Variants in VPS26A observed in about 807,000 individuals in gnomAD.
VPS26A encodes VPS26 retromer complex component A.
A neutral mutation model predicts 42.4 loss-of-function variants in VPS26A; 22 were observed. That is an observed-to-expected ratio of 0.52 (90% CI 0.37 to 0.74). VPS26A has a LOEUF of 0.74. Among genes scored for constraint, VPS26A ranks in the 30% least tolerant of loss-of-function variants. The pLI is 0.00. For missense variants in VPS26A, 276 were observed against 379.2 expected (o/e 0.73, Z 2.26); for synonymous variants, 110 against 123.5 (o/e 0.89, Z 0.73).
At chr10:69,169,438 CAG>C (rs565463605) in intron 8 of VPS26A, among the ~76,000 whole-genome samples, 122 of 152,006 alleles carry the variant, frequency 8.0e-4, no homozygotes, top group African/African-American at 2.8e-3. Context: ...TTATTTGAGA[CAG>C]AGTCTCGCTA....
intron 2 of VPS26A, among the ~76,000 whole-genome samples, chr10:69,151,282 A>AAAAAAAAAAAAAAAACACAC (rs71035063): frequency 1.0e-4 from 14 of 136,768 alleles, no homozygotes; most frequent in African/African-American, 4.0e-4. Flanking sequence ...AAAAAAAAAA[A>AAAAAAAAAAAAAAAACACAC]ACACACACAC....
intron 2 of VPS26A, among the ~76,000 whole-genome samples, chr10:69,152,961 C>T (rs537999954): frequency 3.0e-5 from 3 of 101,100 alleles, no homozygotes; most frequent in African/African-American, 8.9e-5. Flanking sequence ...CAGAGCGAGG[C>T]TCTGTCTCAA....
chr10:69,141,826 T>C, intron 2 of VPS26A, among the ~76,000 whole-genome samples: 1 of 152,226 alleles, frequency 6.6e-6, no homozygotes, highest in East Asian at 1.9e-4. Flanking sequence ...ATAACAATAT[T>C]TACTGAGTAC....
chr10:69,144,088 C>G (rs11814302), intron 2 of VPS26A, among the ~76,000 whole-genome samples: 24,390 of 150,854 alleles, frequency 0.16, 2,606 homozygotes, highest in Non-Finnish European at 0.23. Context: ...CTCCTAGATA[C>G]ATACTCAAGA....
chr10:69,155,108 C>G (rs55982728), intron 2 of VPS26A, among the ~76,000 whole-genome samples: 27,270 of 151,320 alleles, frequency 0.18, 2,857 homozygotes, highest in Non-Finnish European at 0.23. Context: ...TATGATTGTG[C>G]CACTGCACTC....
At chr10:69,147,267 T>C (rs1841181750) in intron 2 of VPS26A, among the ~76,000 whole-genome samples, 1 of 152,208 alleles carries the variant, frequency 6.6e-6, no homozygotes, top group South Asian at 2.1e-4. Context: ...GGGTTATTTT[T>C]CTTTTTATGG....
Position 69,155,883 on chromosome 10 carries a change from A to C in VPS26A, c.225A>C (p.Gln75His), listed in dbSNP as rs770760473. 17 of 1,609,020 alleles carry C rather than the reference A, an allele frequency of 1.1e-5. No individual in the cohort carries two copies. In the East Asian group the frequency reaches 3.6e-4, roughly 34 times the overall value. Residue 75 changes from glutamine to histidine, a missense_variant, in exon 3 of 9, where the codon CAA becomes CAC. By Grantham distance (24) the Gln-to-His change is conservative. Coordinates refer to ENST00000263559, the MANE Select transcript of VPS26A (RefSeq NM_004896.5). ...HQGIRIEFVG[Q>H]IELFNDKSNT... ...GAATTAGAATTGAATTTGTAGGTCAAATTGGTGAGTTTTAAAATAGTATTA... is the reference window on the plus strand; with the variant it reads ...GAATTAGAATTGAATTTGTAGGTCACATTGGTGAGTTTTAAAATAGTATTA...
At chr10:69,137,860 G>GATAT (rs1491160945) in intron 2 of VPS26A, among the ~76,000 whole-genome samples, 35 of 141,650 alleles carry the variant, frequency 2.5e-4, no homozygotes, top group African/African-American at 9.6e-4. Flanking sequence ...AAGCTGTATT[G>GATAT]AGATATATAT....
rs185416307 is a variant in VPS26A at position 69,133,567 on chromosome 10, G to T, written c.153+520G>T. ...GAGGACTTGAGTACTTTTGGGATGT[G>T]TCTATGCATGGTCAGATATGTTTAT... On this transcript the variant is annotated intron_variant, in intron 2 of 8. Coordinates refer to ENST00000263559, the MANE Select transcript of VPS26A (RefSeq NM_004896.5). 2.3e-6 allele frequency: 3 copies of T among 1,289,522 alleles called. No individual in the cohort carries two copies. The African/African-American group carries it at 4.6e-5, about 20-fold the overall frequency. The allele number at this position is 1,289,522 out of a possible 1,614,324, so 79.9% of individuals were successfully genotyped here.
chr10:69,124,393 G>C, intron 1 of VPS26A, 113 bp downstream of exon 1: 1 of 1,159,712 alleles, frequency 8.6e-7, no homozygotes, highest in Non-Finnish European at 1.1e-6. Context: ...GAGCAGGGCG[G>C]GGAGCGGGGT....
At chr10:69,152,841 G>A (rs924629574) in intron 2 of VPS26A, among the ~76,000 whole-genome samples, 2 of 151,820 alleles carry the variant, frequency 1.3e-5, no homozygotes, top group Non-Finnish European at 2.9e-5. Context: ...ATGGTGGCGG[G>A]CGCCTGTAGT....
chr10:69,128,556 A>C (rs1293917443), intron 1 of VPS26A, among the ~76,000 whole-genome samples: 1 of 152,084 alleles, frequency 6.6e-6, no homozygotes, highest in African/African-American at 2.4e-5. Flanking sequence ...TCAGCTTTCA[A>C]ATCCCAAGTG....
intron 2 of VPS26A, chr10:69,133,645 A>G (rs1351637410): frequency 4.0e-6 from 5 of 1,265,572 alleles, no homozygotes; most frequent in Admixed American, 2.4e-5. Context: ...CCGGTAATGT[A>G]TACGGTTTTT....
intron 2 of VPS26A, among the ~76,000 whole-genome samples, chr10:69,152,417 C>T (rs533315491): frequency 6.6e-6 from 1 of 152,260 alleles, no homozygotes; most frequent in South Asian, 2.1e-4. Context: ...AATTCTTTAT[C>T]ATTATTGTTT....
chr10:69,165,682 C>T (rs1028555440), intron 6 of VPS26A, among the ~76,000 whole-genome samples: 7 of 151,960 alleles, frequency 4.6e-5, no homozygotes, highest in Non-Finnish European at 1.0e-4. Flanking sequence ...TGATAGTGCA[C>T]GCCTGTAGTC....
chr10:69,133,011 C>CTT lies in VPS26A; in HGVS notation c.118_119insTT (p.Tyr40PhefsTer14). On this transcript the variant is annotated frameshift_variant, in exon 2 of 9. Coordinates refer to ENST00000263559, the MANE Select transcript of VPS26A (RefSeq NM_004896.5). LOFTEE classifies it high-confidence loss of function. ...CTGAAGATGGCAAAGTAGAAAAACA[C>CTT]TATCTCTTCTATGACGGAGAATCCG... 6.2e-7 allele frequency: 1 copy of CTT among 1,610,918 alleles called. No individual in the cohort carries two copies. The highest frequency in any genetic ancestry group is 8.5e-7 in the Non-Finnish European group (1 of 1,179,350).
chr10:69,148,125 C>T (rs1841204813), intron 2 of VPS26A, among the ~76,000 whole-genome samples: 1 of 152,022 alleles, frequency 6.6e-6, no homozygotes, highest in Non-Finnish European at 1.5e-5. Flanking sequence ...ATAAAAGAAC[C>T]TCTTATTGTA....
chr10:69,148,912 C>T (rs10998605), intron 2 of VPS26A, among the ~76,000 whole-genome samples: 71,470 of 151,752 alleles, frequency 0.47, 19,218 homozygotes, highest in Middle Eastern at 0.72. Flanking sequence ...CCCGCCACCA[C>T]GCCCAGCTAA....
Position 69,173,437 on chromosome 10 carries a change from A to C in VPS26A, c.*2168A>C, listed in dbSNP as rs906219679. On this transcript the variant is annotated 3_prime_UTR_variant, in exon 9 of 9. Coordinates refer to ENST00000263559, the MANE Select transcript of VPS26A (RefSeq NM_004896.5). Reference sequence around the variant, plus strand: ...GGAATTCGAGACCAGCCTGGCCAACAAAAATGAGACCCTATCTCTACAAAA... The same window carrying C: ...GGAATTCGAGACCAGCCTGGCCAACCAAAATGAGACCCTATCTCTACAAAA... Among the ~76,000 whole-genome samples, 3 of 151,696 alleles carry C rather than the reference A, an allele frequency of 2.0e-5. No homozygotes were observed. The highest frequency in any genetic ancestry group is 2.0e-4 in the Admixed American group (3 of 15,226).
Sources: allele counts gnomAD v4.1 joint callset (sites outside exome capture counted in the v4.1 genomes callset), GRCh38; gene constraint gnomAD v4.1.1; transcripts MANE v1.5; gene names NCBI Gene and HGNC (gene_info 2026-07-23, HGNC 2026-07-21).